GPC6: variants seen among roughly 807,000 people sequenced by gnomAD.
GPC6 encodes the protein glypican 6.
A neutral mutation model predicts 55.2 loss-of-function variants in GPC6; 14 were observed. The ratio of observed to expected loss-of-function variants is 0.25; its 90% confidence interval spans 0.17 to 0.40. The LOEUF (loss-of-function observed/expected upper bound fraction) is 0.40, where lower values mean the gene tolerates loss of function less well. Ranked by LOEUF, GPC6 falls within the 10% of genes least tolerant of loss-of-function variation. The pLI is 1.00. For synonymous variants in GPC6, 278 were observed against 259.6 expected, an observed-to-expected ratio of 1.07 and a Z score of -0.68; for missense variants, 641 against 708.5, an observed-to-expected ratio of 0.90 and a Z score of 1.08.
At chr13:94,324,815 T>C (rs1245661804) in intron 6 of GPC6, among the ~76,000 whole-genome samples, 1 of 152,096 alleles carries the variant, frequency 6.6e-6, no homozygotes, top group Non-Finnish European at 1.5e-5. Flanking sequence ...CTATAGTCGT[T>C]CACCAAATAC....
chr13:93,603,001 T>C (rs886794876), intron 2 of GPC6, among the ~76,000 whole-genome samples: 1 of 144,418 alleles, frequency 6.9e-6, no homozygotes, highest in Non-Finnish European at 1.6e-5. Flanking sequence ...TTCTTTTTTC[T>C]TTTTCTTTCT....
At chr13:94,048,906 T>C (rs17791629) in intron 4 of GPC6, among the ~76,000 whole-genome samples, 19,919 of 152,006 alleles carry the variant, frequency 0.13, 1,625 homozygotes, top group South Asian at 0.2. Context: ...TTTCCTCCTG[T>C]GTCTTCATGT....
chr13:93,350,805 C>G (rs1302409252), intron 1 of GPC6, among the ~76,000 whole-genome samples: 1 of 152,154 alleles, frequency 6.6e-6, no homozygotes, highest in Non-Finnish European at 1.5e-5. Context: ...TTCCATTCAA[C>G]TATGTCTATC....
chr13:93,363,418 A>G (rs1881122941), intron 1 of GPC6, among the ~76,000 whole-genome samples: 1 of 151,954 alleles, frequency 6.6e-6, no homozygotes, highest in African/African-American at 2.4e-5. Context: ...GTTTACTGAG[A>G]ATGATGATTT....
At chr13:93,526,394 G>A (rs986848715) in intron 1 of GPC6, among the ~76,000 whole-genome samples, 2 of 149,768 alleles carry the variant, frequency 1.3e-5, no homozygotes, top group Admixed American at 1.3e-4. Flanking sequence ...TGTAGACCCC[G>A]AATACTTATT....
At chr13:93,905,605 A>C (rs1876622726) in intron 3 of GPC6, among the ~76,000 whole-genome samples, 1 of 152,242 alleles carries the variant, frequency 6.6e-6, no homozygotes, top group African/African-American at 2.4e-5. Flanking sequence ...CAGAACAGTC[A>C]GGAGGATAGA....
intron 2 of GPC6, among the ~76,000 whole-genome samples, chr13:93,745,956 G>T (rs1441521042): frequency 6.6e-6 from 1 of 152,178 alleles, no homozygotes; most frequent in East Asian, 1.9e-4. Flanking sequence ...AAACAAATCA[G>T]TGATAATGAA....
chr13:93,233,684 G>A (rs574378006), intron 1 of GPC6, among the ~76,000 whole-genome samples: 29 of 152,250 alleles, frequency 1.9e-4, no homozygotes, highest in Admixed American at 2.6e-4. Context: ...AAGCATGGGC[G>A]CCCTTCAGTA....
intron 3 of GPC6, among the ~76,000 whole-genome samples, chr13:93,974,555 T>C (rs904433602): frequency 3.3e-5 from 5 of 152,212 alleles, no homozygotes; most frequent in African/African-American, 1.2e-4. Context: ...TAGGTGGCAC[T>C]GTATAAAGTT....
intron 2 of GPC6, among the ~76,000 whole-genome samples, chr13:93,619,927 T>C (rs1013055558): frequency 6.6e-6 from 1 of 152,130 alleles, no homozygotes; most frequent in Non-Finnish European, 1.5e-5. Context: ...ATATAATTGC[T>C]CAATTATATA....
intron 2 of GPC6, among the ~76,000 whole-genome samples, chr13:93,613,072 G>A (rs937592574): frequency 4.6e-5 from 7 of 152,156 alleles, no homozygotes; most frequent in African/African-American, 7.2e-5. Flanking sequence ...TGACGTATGT[G>A]TTCTTATAAT....
At chr13:93,761,665 G>A (rs535857138) in intron 2 of GPC6, among the ~76,000 whole-genome samples, 47 of 152,070 alleles carry the variant, frequency 3.1e-4, no homozygotes, top group African/African-American at 1.1e-3. Flanking sequence ...CCACCACACC[G>A]GGCTAATTTT....
At chr13:93,918,581 C>T (rs965843228) in intron 3 of GPC6, among the ~76,000 whole-genome samples, 1 of 152,130 alleles carries the variant, frequency 6.6e-6, no homozygotes, top group Non-Finnish European at 1.5e-5. Flanking sequence ...TGCTAAAACA[C>T]AGTTTGGAAG....
intron 4 of GPC6, among the ~76,000 whole-genome samples, chr13:94,186,007 C>A (rs1327086740): frequency 2.4e-5 from 3 of 123,464 alleles, no homozygotes; most frequent in Non-Finnish European, 4.7e-5. Context: ...TTACAGTGAG[C>A]CGAGATCGCA....
chr13:94,028,166 G>A (rs897024219), intron 4 of GPC6, among the ~76,000 whole-genome samples: 7 of 151,996 alleles, frequency 4.6e-5, no homozygotes, highest in South Asian at 4.2e-4. Context: ...TTAGGAGACC[G>A]AGGTGAGAGG....
intron 2 of GPC6, among the ~76,000 whole-genome samples, chr13:93,673,524 G>A (rs1412238242): frequency 6.6e-6 from 1 of 152,046 alleles, no homozygotes; most frequent in Non-Finnish European, 1.5e-5. Context: ...TTTAAAAGGG[G>A]TCTGTTCATG....
At chr13:93,455,956 A>G (rs966175092) in intron 1 of GPC6, among the ~76,000 whole-genome samples, 1 of 152,224 alleles carries the variant, frequency 6.6e-6, no homozygotes, top group African/African-American at 2.4e-5. Context: ...CTCTTTATTT[A>G]CTAGGCCAAC....
intron 2 of GPC6, among the ~76,000 whole-genome samples, chr13:93,789,667 T>G (rs1318763624): frequency 7.4e-6 from 1 of 134,600 alleles, no homozygotes; most frequent in Non-Finnish European, 1.6e-5. Flanking sequence ...AATGTTGATG[T>G]AGGCAGAAAT....
chr13:93,919,927 C>T (rs1473592677), intron 3 of GPC6, among the ~76,000 whole-genome samples: 3 of 152,194 alleles, frequency 2.0e-5, no homozygotes, highest in African/African-American at 7.2e-5. Flanking sequence ...CGCGTAGACA[C>T]GCACTCACTC....
Sources: allele counts gnomAD v4.1 joint callset (sites outside exome capture counted in the v4.1 genomes callset), GRCh38; gene constraint gnomAD v4.1.1; transcripts MANE v1.5; gene names NCBI Gene and HGNC (gene_info 2026-07-23, HGNC 2026-07-21).